The following CDH4 variants were observed in gnomAD, a reference collection of about 807,000 sequenced individuals.
CDH4 encodes the protein cadherin-4.
CDH4 carries 33 observed loss-of-function variants against 86.0 expected under a neutral mutation model. The ratio of observed to expected loss-of-function variants is 0.38; its 90% confidence interval spans 0.29 to 0.51. The LOEUF (loss-of-function observed/expected upper bound fraction) is 0.51, where lower values mean the gene tolerates loss of function less well. Ranked by LOEUF, CDH4 falls within the 20% of genes least tolerant of loss-of-function variation. The pLI, the probability that CDH4 is intolerant of heterozygous loss-of-function variation, is 0.86. For synonymous variants in CDH4, 555 were observed against 549.4 expected (o/e 1.01, Z -0.14); for missense variants, 1,114 against 1,307.4 (o/e 0.85, Z 2.28).
intron 2 of CDH4, among the ~76,000 whole-genome samples, chr20:61,349,543 G>A (rs574460853): frequency 2.6e-5 from 4 of 152,340 alleles, no homozygotes; most frequent in African/African-American, 9.6e-5. Flanking sequence ...AGACGAGGCC[G>A]GGAGCTGGGG....
chr20:61,765,605 G>C (rs530036877), intron 3 of CDH4, among the ~76,000 whole-genome samples: 1 of 152,336 alleles, frequency 6.6e-6, no homozygotes, highest in South Asian at 2.1e-4. Context: ...GGTGTCTCCA[G>C]GTTGCTGTCC....
At chr20:61,513,782 G>A (rs1332461028) in intron 2 of CDH4, among the ~76,000 whole-genome samples, 1 of 152,120 alleles carries the variant, frequency 6.6e-6, no homozygotes, top group Non-Finnish European at 1.5e-5. Context: ...GGCCCCTCTG[G>A]CCACCCACTC....
intron 6 of CDH4, among the ~76,000 whole-genome samples, chr20:61,865,450 G>A (rs1295992576): frequency 6.6e-6 from 1 of 152,140 alleles, no homozygotes; most frequent in African/African-American, 2.4e-5. Context: ...GTATGTAATG[G>A]GTTAGTTTCC....
chr20:61,404,248 C>T (rs2085067244), intron 2 of CDH4, among the ~76,000 whole-genome samples: 5 of 152,026 alleles, frequency 3.3e-5, no homozygotes, highest in Non-Finnish European at 5.9e-5. Flanking sequence ...CTGCAGCCCC[C>T]GCCCCCTTCC....
intron 8 of CDH4, among the ~76,000 whole-genome samples, chr20:61,895,750 C>T (rs1373082310): frequency 3.3e-5 from 5 of 152,228 alleles, no homozygotes; most frequent in Non-Finnish European, 2.9e-5. Context: ...TGCTGCCCAG[C>T]GATCTGGGGA....
rs377202528 is a variant in CDH4 at position 61,361,186 on chromosome 20, C to T, written c.169+106249C>T. On this transcript the variant is annotated intron_variant, in intron 2 of 15. Coordinates refer to ENST00000614565, the MANE Select transcript of CDH4 (RefSeq NM_001794.5). The stretch of plus-strand genomic sequence containing the variant: ...AGAGGGAAGGAGCCCTGAGGGTTGC[C>T]CTTTCTGGCAACATGGAGCTCAGGG... 3.3e-5 allele frequency among the ~76,000 whole-genome samples: 5 copies of T among 152,232 alleles called. No homozygotes were observed. The East Asian group carries it at 5.8e-4, about 18-fold the overall frequency.
chr20:61,383,038 G>A (rs1047250054), intron 2 of CDH4, among the ~76,000 whole-genome samples: 70 of 143,626 alleles, frequency 4.9e-4, no homozygotes, highest in African/African-American at 1.8e-3. Flanking sequence ...TCTCTAGAGG[G>A]ACAGAACTAA....
chr20:61,506,786 A>G (rs2427143), intron 2 of CDH4, among the ~76,000 whole-genome samples: 149,903 of 152,278 alleles, frequency 0.98, 73,784 homozygotes, highest in East Asian at 1. Context: ...TGTCTAACTC[A>G]CTCTGGATGG....
chr20:61,286,506 C>T (rs576721259), intron 2 of CDH4, among the ~76,000 whole-genome samples: 2 of 152,290 alleles, frequency 1.3e-5, no homozygotes, highest in South Asian at 4.1e-4. Context: ...GGGGCGTGTA[C>T]GGGTTTCAGT....
chr20:61,801,545 G>A (rs952791477), intron 4 of CDH4, among the ~76,000 whole-genome samples: 3 of 152,196 alleles, frequency 2.0e-5, no homozygotes, highest in East Asian at 3.8e-4. Flanking sequence ...GAACAGCCCC[G>A]TGTAGCCCCA....
chr20:61,575,949 G>A (rs774754933), intron 2 of CDH4, among the ~76,000 whole-genome samples: 1 of 152,188 alleles, frequency 6.6e-6, no homozygotes, highest in Non-Finnish European at 1.5e-5. Context: ...AGACAGGAAA[G>A]GTGGCTACCT....
At chr20:61,310,496 G>T (rs1439784540) in intron 2 of CDH4, among the ~76,000 whole-genome samples, 1 of 152,130 alleles carries the variant, frequency 6.6e-6, no homozygotes, top group African/African-American at 2.4e-5. Flanking sequence ...CCCATGCGCG[G>T]TTCACAGTAG....
chr20:61,940,414 A>C lies in CDH4; in HGVS notation c.*3471A>C, dbSNP rs923622117. 1.3e-5 allele frequency: 2 copies of C among 151,974 alleles called. No homozygotes were observed. The highest frequency in any genetic ancestry group is 2.4e-5 in the African/African-American group (1 of 41,374). 9.4% of individuals were successfully genotyped at this position (151,974 alleles called of 1,614,324 possible). A position where few individuals can be genotyped will look rare whatever the true frequency, so the allele number is the denominator to read the frequency against. On this transcript the variant is annotated 3_prime_UTR_variant, in exon 16 of 16. Transcript: ENST00000614565. Reference sequence around the variant, plus strand: ...TCCACCTTTTTTTGTAATCGTCAACAGCACAACTATTTTGTATTGTTGTTT... The same window carrying C: ...TCCACCTTTTTTTGTAATCGTCAACCGCACAACTATTTTGTATTGTTGTTT...
At position 61,389,051 on chromosome 20, in the gene CDH4, G is replaced by A. The variant is rs563097871; in HGVS notation, c.169+134114G>A. Reference sequence around the variant, plus strand: ...ATTTTAAAAGCTTCCTTTTATGTATGGCTAAACTGATCAAGGTTTTTTGCT... The same window carrying A: ...ATTTTAAAAGCTTCCTTTTATGTATAGCTAAACTGATCAAGGTTTTTTGCT... On this transcript the variant is annotated intron_variant, in intron 2 of 15. Transcript: ENST00000614565. Among the ~76,000 whole-genome samples, 6 of 152,338 alleles carry A rather than the reference G, an allele frequency of 3.9e-5. No individual in the cohort carries two copies. In the South Asian group the frequency reaches 1.2e-3, roughly 32 times the overall value.
intron 7 of CDH4, among the ~76,000 whole-genome samples, chr20:61,882,023 G>C (rs893067201): frequency 2.6e-5 from 4 of 152,244 alleles, no homozygotes; most frequent in Non-Finnish European, 5.9e-5. Flanking sequence ...GCCGCCAGGA[G>C]GTGGAAGAGG....
intron 4 of CDH4, 142 bp downstream of exon 4, chr20:61,773,324 C>CT (rs1317760549): frequency 1.3e-6 from 1 of 799,156 alleles, no homozygotes; most frequent in Non-Finnish European, 1.9e-6. Context: ...TGAGATAAGC[C>CT]TTACACAGCG....
At chr20:61,543,030 G>T (rs1313897379) in intron 2 of CDH4, among the ~76,000 whole-genome samples, 3 of 152,236 alleles carry the variant, frequency 2.0e-5, no homozygotes. Context: ...TTCCAGGGCA[G>T]GAAGCATCCG....
chr20:61,425,962 T>C (rs78361146), intron 2 of CDH4, among the ~76,000 whole-genome samples: 2,915 of 152,328 alleles, frequency 0.019, 93 homozygotes, highest in African/African-American at 0.066. Context: ...ATCTGAAAAC[T>C]GAGGCATGTG....
chr20:61,436,290 C>G (rs1247660278), intron 2 of CDH4, among the ~76,000 whole-genome samples: 6 of 152,198 alleles, frequency 3.9e-5, no homozygotes, highest in Non-Finnish European at 7.3e-5. Flanking sequence ...GGGTATCCTG[C>G]AATTCACTTC....
Sources: gnomAD v4.1 joint callset for allele counts (sites outside exome capture counted in the v4.1 genomes callset) on GRCh38, gnomAD v4.1.1 for gene constraint, MANE v1.5 for transcripts, NCBI Gene and HGNC (gene_info 2026-07-23, HGNC 2026-07-21) for gene names.